The following EXOC1 variants were observed in gnomAD, a reference collection of about 807,000 sequenced individuals.
EXOC1 encodes the protein SEC3-like 1.
A neutral mutation model predicts 107.7 loss-of-function variants in EXOC1; 67 were observed. The observed-to-expected ratio is 0.62, with a 90% CI of 0.51 to 0.76. The LOEUF (loss-of-function observed/expected upper bound fraction) is 0.76, where lower values mean the gene tolerates loss of function less well. EXOC1 is among the 30% of genes least tolerant of loss of function. The pLI, the probability that EXOC1 is intolerant of heterozygous loss-of-function variation, is 0.00. For synonymous variants in EXOC1, 348 were observed against 353.5 expected (o/e 0.98, Z 0.17); for missense variants, 833 against 1,055.7 (o/e 0.79, Z 2.92).
intron 8 of EXOC1, chr4:55,877,428 G>T: frequency 1.0e-6 from 1 of 985,266 alleles, no homozygotes; most frequent in Middle Eastern, 5.2e-4. Flanking sequence ...AGATGACCAA[G>T]GTTCCAATTC....
intron 12 of EXOC1, among the ~76,000 whole-genome samples, chr4:55,891,104 G>A (rs945287075): frequency 1.3e-5 from 2 of 152,132 alleles, no homozygotes; most frequent in African/African-American, 2.4e-5. Context: ...TTTATTTTAG[G>A]TTTATTTTGT....
chr4:55,871,497 AG>A (rs1308610656), intron 7 of EXOC1, among the ~76,000 whole-genome samples: 1 of 152,162 alleles, frequency 6.6e-6, no homozygotes, highest in Non-Finnish European at 1.5e-5. Flanking sequence ...AGCAGAAAGT[AG>A]GTGCTTTGGT....
At chr4:55,875,985 A>G (rs777079735) in intron 8 of EXOC1, 140 of 962,946 alleles carry the variant, frequency 1.5e-4, no homozygotes, top group Non-Finnish European at 1.6e-4. Flanking sequence ...TCTGGCTAGT[A>G]TCTAATACAT....
At chr4:55,897,215 C>T (rs1166833726) in intron 16 of EXOC1, among the ~76,000 whole-genome samples, 2 of 151,688 alleles carry the variant, frequency 1.3e-5, no homozygotes, top group Non-Finnish European at 2.9e-5. Flanking sequence ...CAACCTCCAC[C>T]TCCCAGGCTC....
chr4:55,902,180 G>A (rs1726029566), intron 17 of EXOC1, 164 bp from the exon 18 acceptor site: 1 of 443,722 alleles, frequency 2.3e-6, no homozygotes, highest in Non-Finnish European at 3.9e-6. Context: ...TATTAACAAT[G>A]TTCATCTCAG....
At chr4:55,878,173 G>T in intron 9 of EXOC1, 107 bp downstream of exon 9, 1 of 1,271,138 alleles carries the variant, frequency 7.9e-7, no homozygotes, top group South Asian at 1.6e-5. Flanking sequence ...TACATTCTTA[G>T]CAAAGCAGAA....
In EXOC1 at chr4:55,883,937, A is replaced by G. The variant is rs767218328; in HGVS notation, c.1330+9A>G. 5.1e-6 allele frequency: 8 copies of G among 1,574,794 alleles called. No homozygotes were observed. Among genetic ancestry groups the G allele is most frequent in the African/African-American group, 2.7e-5 (2 of 73,046 alleles). ...AGAAAGCAAGAAGTTTGGTAAGCTT[A>G]GGCATGTCAGTTCATTATCTTCCTA... On this transcript the variant is annotated intron_variant, in intron 10 of 18. Coordinates refer to ENST00000381295, the MANE Select transcript of EXOC1 (RefSeq NM_001024924.2).
chr4:55,855,212 G>T (rs1233482178), intron 1 of EXOC1, among the ~76,000 whole-genome samples: 1 of 152,160 alleles, frequency 6.6e-6, no homozygotes, highest in African/African-American at 2.4e-5. Context: ...AGGGTTGTGG[G>T]ACCTTGCAAA....
At position 55,893,595 on chromosome 4, in the gene EXOC1, A is replaced by G. The variant is rs1424003554; in HGVS notation, c.1768A>G (p.Ile590Val). The G allele has an allele frequency of 2.5e-6, 4 of 1,614,008 alleles. No individual in the cohort carries two copies. Among genetic ancestry groups the G allele is most frequent in the East Asian group, 2.2e-5 (1 of 44,866 alleles). Residue 590 changes from isoleucine to valine, a missense_variant, in exon 15 of 19, where the codon ATT (isoleucine) becomes GTT (valine). Physicochemically the swap from Ile to Val is conservative, Grantham distance 29. Transcript: ENST00000381295. ...AATGATGATTAAAATATTTCGCTGC[A>G]TTGAGCCAGAGCTGAACAACCTAAT... ...RQMMIKIFRC[I>V]EPELNNLIAL...
chr4:55,855,640 G>A (rs986061965), intron 1 of EXOC1, among the ~76,000 whole-genome samples: 7 of 152,252 alleles, frequency 4.6e-5, no homozygotes, highest in Admixed American at 1.3e-4. Flanking sequence ...TACTCTTTGC[G>A]TGGGGCGGCT....
At chr4:55,902,142 C>T (rs796177772) in intron 17 of EXOC1, 26 of 364,214 alleles carry the variant, frequency 7.1e-5, no homozygotes, top group South Asian at 1.4e-4. Flanking sequence ...TGTATTCACA[C>T]ATCAAAAGAT....
chr4:55,882,099 T>TTTGTTGTTG (rs57694786), intron 9 of EXOC1, among the ~76,000 whole-genome samples: 87 of 150,988 alleles, frequency 5.8e-4, no homozygotes, highest in East Asian at 2.5e-3. Flanking sequence ...CCATAGGGTT[T>TTTGTTGTTG]TTGTTGTTGT....
chr4:55,858,278 A>G, intron 1 of EXOC1, 36 bp from the exon 2 acceptor site: 1 of 1,535,754 alleles, frequency 6.5e-7, no homozygotes, highest in East Asian at 2.3e-5. Context: ...AATGATGTTG[A>G]GGGTGAGCTT....
chr4:55,901,079 C>T (rs750180959), intron 17 of EXOC1, among the ~76,000 whole-genome samples: 1 of 152,080 alleles, frequency 6.6e-6, no homozygotes, highest in Non-Finnish European at 1.5e-5. Context: ...CCTCTGAAAT[C>T]AATTTAAAGC....
At chr4:55,901,353 G>A (rs1725886300) in intron 17 of EXOC1, among the ~76,000 whole-genome samples, 1 of 151,274 alleles carries the variant, frequency 6.6e-6, no homozygotes, top group African/African-American at 2.4e-5. Context: ...CTCAAAGAAT[G>A]ATAATTTAAT....
intron 4 of EXOC1, among the ~76,000 whole-genome samples, chr4:55,866,216 G>A (rs1721944775): frequency 1.3e-5 from 2 of 152,242 alleles, no homozygotes; most frequent in South Asian, 4.1e-4. Flanking sequence ...AGTTTTTATT[G>A]TTGACAATTG....
chr4:55,862,734 C>T (rs1020310446), intron 3 of EXOC1, among the ~76,000 whole-genome samples: 4 of 152,186 alleles, frequency 2.6e-5, no homozygotes, highest in Non-Finnish European at 4.4e-5. Context: ...CAGTGAAAGT[C>T]TGATATAACT....
Position 55,877,078 on chromosome 4 carries a change from T to C in EXOC1, c.1075-839T>C, listed in dbSNP as rs920998615. On this transcript the variant is annotated intron_variant, in intron 8 of 18. Coordinates refer to ENST00000381295, the MANE Select transcript of EXOC1 (RefSeq NM_001024924.2). ...TAACCACTAGGTTATTTTGTGTATA[T>C]AGTACAGTATATAAATTAGGTGAAA... 4 of 977,118 alleles carry C rather than the reference T, an allele frequency of 4.1e-6. No individual in the cohort carries two copies. In the African/African-American group the frequency reaches 7.0e-5, roughly 17 times the overall value. The allele number at this position is 977,118 out of a possible 1,614,324, so 60.5% of individuals were successfully genotyped here.
chr4:55,857,458 G>T (rs990257472), intron 1 of EXOC1, among the ~76,000 whole-genome samples: 1 of 151,818 alleles, frequency 6.6e-6, no homozygotes, highest in African/African-American at 2.4e-5. Context: ...GTGAGCCACC[G>T]CCCGTGCCCG....
Sources: allele counts gnomAD v4.1 joint callset (sites outside exome capture counted in the v4.1 genomes callset), GRCh38; gene constraint gnomAD v4.1.1; transcripts MANE v1.5; gene names NCBI Gene and HGNC (gene_info 2026-07-23, HGNC 2026-07-21).